SLC16A12: variants seen among roughly 807,000 people sequenced by gnomAD.
SLC16A12 encodes solute carrier family 16 member 12.
SLC16A12 carries 17 observed loss-of-function variants against 42.4 expected under a neutral mutation model. The ratio of observed to expected loss-of-function variants is 0.40; its 90% CI spans 0.27 to 0.60. SLC16A12 has a LOEUF of 0.60. SLC16A12 is among the 20% of genes least tolerant of loss of function. The pLI is 0.42. For missense variants in SLC16A12, 544 were observed against 623.0 expected (o/e 0.87, Z 1.35); for synonymous variants, 224 against 229.4 (o/e 0.98, Z 0.21).
chr10:89,514,151 G>A (rs773101761), intron 2 of SLC16A12, among the ~76,000 whole-genome samples: 4 of 152,232 alleles, frequency 2.6e-5, no homozygotes, highest in Non-Finnish European at 2.9e-5. Flanking sequence ...AAGCTCACAA[G>A]TGACGCCTTC....
intron 2 of SLC16A12, among the ~76,000 whole-genome samples, chr10:89,472,639 C>A (rs1460540873): frequency 6.6e-6 from 1 of 151,090 alleles, no homozygotes; most frequent in Admixed American, 6.6e-5. Flanking sequence ...AATCCAGGTG[C>A]CCACAACCAT....
chr10:89,442,333 G>T (rs1841925747), intron 4 of SLC16A12, among the ~76,000 whole-genome samples: 1 of 152,144 alleles, frequency 6.6e-6, no homozygotes, highest in East Asian at 1.9e-4. Context: ...TGTACAACAG[G>T]CCTCTTGGTC....
At position 89,432,701 on chromosome 10, in the gene SLC16A12, G is replaced by A. The variant is rs1416072697; in HGVS notation, c.*363C>T. 2 of 200,090 alleles carry A rather than the reference G, an allele frequency of 1.0e-5. No homozygotes were observed. The highest frequency in any genetic ancestry group is 2.1e-5 in the Non-Finnish European group (2 of 97,276). 12.4% of individuals were successfully genotyped at this position (200,090 alleles called of 1,614,324 possible). Reference sequence around the variant, plus strand: ...TTTCTTTCTGAGGAGGGAACATGAAGGGCCTGAGACTGGAACAAAGCTGCT... The same window carrying A: ...TTTCTTTCTGAGGAGGGAACATGAAAGGCCTGAGACTGGAACAAAGCTGCT... On this transcript the variant is annotated 3_prime_UTR_variant, in exon 8 of 8. Coordinates refer to ENST00000371790, the MANE Select transcript of SLC16A12 (RefSeq NM_213606.4).
intron 2 of SLC16A12, among the ~76,000 whole-genome samples, chr10:89,509,428 G>A (rs1046351170): frequency 5.9e-5 from 9 of 151,978 alleles, no homozygotes; most frequent in African/African-American, 2.2e-4. Flanking sequence ...TGGATGCAAG[G>A]CTGGTTCAAC....
upstream of SLC16A12, among the ~76,000 whole-genome samples, chr10:89,537,390 T>C (rs555339223): frequency 5.1e-4 from 78 of 152,142 alleles, no homozygotes; most frequent in Middle Eastern, 3.2e-3. Flanking sequence ...TTTTACCCTC[T>C]GGCTATTTTT....
At chr10:89,521,440 A>G (rs962552173) in intron 2 of SLC16A12, among the ~76,000 whole-genome samples, 45 of 152,374 alleles carry the variant, frequency 3.0e-4, no homozygotes, top group African/African-American at 1.1e-3. Flanking sequence ...CTAGAATCCT[A>G]CACGGGCAGA....
chr10:89,491,512 T>G (rs910652392), intron 2 of SLC16A12, among the ~76,000 whole-genome samples: 1 of 151,966 alleles, frequency 6.6e-6, no homozygotes, highest in Non-Finnish European at 1.5e-5. Context: ...TAGAGGAGTT[T>G]TTTTTTTTTT....
At chr10:89,480,134 G>C (rs946035632) in intron 2 of SLC16A12, among the ~76,000 whole-genome samples, 8 of 152,134 alleles carry the variant, frequency 5.3e-5, no homozygotes, top group Admixed American at 1.3e-4. Context: ...AATAATTCCA[G>C]GGTTTTTTTG....
intron 2 of SLC16A12, among the ~76,000 whole-genome samples, chr10:89,503,896 G>A (rs1843023305): frequency 6.6e-6 from 1 of 152,216 alleles, no homozygotes. Context: ...AGGAAGTCGA[G>A]AGCAAGCCAA....
chr10:89,524,370 G>A (rs1051985362), intron 2 of SLC16A12, among the ~76,000 whole-genome samples: 17 of 152,056 alleles, frequency 1.1e-4, no homozygotes, highest in South Asian at 8.3e-4. Flanking sequence ...TGATGCTCTC[G>A]CTCCTGCCTG....
chr10:89,528,687 A>T lies in SLC16A12; in HGVS notation c.-47+5814T>A, dbSNP rs573043438. Among the ~76,000 whole-genome samples the T allele has an allele frequency of 1.1e-4, 16 of 152,346 alleles. No homozygotes were observed. In the East Asian group the frequency reaches 1.3e-3, roughly 13 times the overall value. On this transcript the variant is annotated intron_variant, in intron 2 of 7. Transcript: ENST00000371790. Reference sequence around the variant, plus strand: ...TTATGTTTCAATAAAATTTTTTTCTAAAGAGGCACAAAATTATTATTACAT... The same window carrying T: ...TTATGTTTCAATAAAATTTTTTTCTTAAGAGGCACAAAATTATTATTACAT...
At chr10:89,531,033 T>C (rs1843543273) in intron 2 of SLC16A12, among the ~76,000 whole-genome samples, 1 of 152,180 alleles carries the variant, frequency 6.6e-6, no homozygotes, top group African/African-American at 2.4e-5. Flanking sequence ...TATGGGTCCA[T>C]ATAGCGATCA....
intron 2 of SLC16A12, among the ~76,000 whole-genome samples, chr10:89,485,087 C>G (rs538111157): frequency 2.0e-5 from 3 of 152,306 alleles, no homozygotes; most frequent in African/African-American, 7.2e-5. Context: ...AGCCGAGAAC[C>G]AGGGGAACAA....
intron 2 of SLC16A12, among the ~76,000 whole-genome samples, chr10:89,522,837 T>G (rs1010430238): frequency 6.6e-6 from 1 of 152,198 alleles, no homozygotes; most frequent in Admixed American, 6.5e-5. Flanking sequence ...GAGTTATCTA[T>G]GTAAGGTATT....
chr10:89,529,413 A>G (rs1222622344), intron 2 of SLC16A12, among the ~76,000 whole-genome samples: 1 of 152,198 alleles, frequency 6.6e-6, no homozygotes, highest in African/African-American at 2.4e-5. Context: ...AAGTATTGGT[A>G]TAGTTAACAC....
At chr10:89,556,389 C>T (rs1354558519) in intron 1 of SLC16A12, 1 of 152,206 alleles carries the variant, frequency 6.6e-6, no homozygotes, top group Non-Finnish European at 1.5e-5. Context: ...ATCTCTCTAT[C>T]TCTCTGTCTG....
chr10:89,460,527 C>T (rs1842281234), intron 3 of SLC16A12, among the ~76,000 whole-genome samples: 1 of 151,898 alleles, frequency 6.6e-6, no homozygotes, highest in South Asian at 2.1e-4. Context: ...AGTTCGAGAC[C>T]AGCCTGACCA....
chr10:89,524,706 G>A (rs1471892133), intron 2 of SLC16A12, among the ~76,000 whole-genome samples: 1 of 152,122 alleles, frequency 6.6e-6, no homozygotes, highest in Non-Finnish European at 1.5e-5. Flanking sequence ...CCATCTCCTG[G>A]GAAGTATCTT....
intron 2 of SLC16A12, among the ~76,000 whole-genome samples, chr10:89,544,420 T>C (rs1472950681): frequency 1.3e-5 from 2 of 152,206 alleles, no homozygotes; most frequent in African/African-American, 2.4e-5. Flanking sequence ...TTGGATCCCA[T>C]TGGATCAGTT....
Sources: gnomAD v4.1 joint callset for allele counts (sites outside exome capture counted in the v4.1 genomes callset) on GRCh38, gnomAD v4.1.1 for gene constraint, MANE v1.5 for transcripts, NCBI Gene and HGNC (gene_info 2026-07-23, HGNC 2026-07-21) for gene names.